IPO11: variants seen among roughly 807,000 people sequenced by gnomAD.
IPO11 encodes importin-11.
A neutral mutation model predicts 143.2 loss-of-function variants in IPO11; 66 were observed. The observed-to-expected ratio is 0.46, with a 90% CI of 0.38 to 0.57. The LOEUF (loss-of-function observed/expected upper bound fraction) is 0.57. Ranked by LOEUF, IPO11 falls within the 20% of genes least tolerant of loss-of-function variation. IPO11 has a pLI of 0.00. For synonymous variants in IPO11, 385 were observed against 377.8 expected (o/e 1.02, Z -0.22); for missense variants, 1,026 against 1,141.0 (o/e 0.90, Z 1.45).
At chr5:62,452,723 G>GTGT (rs1744982194) in intron 5 of IPO11, among the ~76,000 whole-genome samples, 3 of 135,334 alleles carry the variant, frequency 2.2e-5, no homozygotes, top group Non-Finnish European at 4.6e-5. Context: ...TTTTTGGTGG[G>GTGT]GTGTGTGTGT....
Position 62,598,383 on chromosome 5 carries a change from GCTTGCTTGCTTT to G in IPO11, c.2679-3377_2679-3366del, listed in dbSNP as rs1344212872. ...GAAACGACCCATAAATTGTTTGCTTGCTTGCTTGCTTTCTTTCTTTCTTTCTTTCTTTCTTTC... is the reference window on the plus strand; with the variant it reads ...GAAACGACCCATAAATTGTTTGCTTGCTTTCTTTCTTTCTTTCTTTCTTTC... On this transcript the variant is annotated intron_variant, in intron 28 of 29. Coordinates refer to ENST00000325324, the MANE Select transcript of IPO11 (RefSeq NM_016338.5). Among the ~76,000 whole-genome samples the G allele has an allele frequency of 3.9e-3, 108 of 27,346 alleles. 10 individuals carry two copies. Among genetic ancestry groups the G allele is most frequent in the South Asian group, 0.026 (22 of 836 alleles). The allele number at this position is 27,346 out of a possible 152,430, so 17.9% of individuals were successfully genotyped here.
intron 19 of IPO11, among the ~76,000 whole-genome samples, chr5:62,514,207 TG>T (rs1351601449): frequency 2.0e-5 from 3 of 152,168 alleles, no homozygotes; most frequent in Admixed American, 6.5e-5. Flanking sequence ...GGGCAGGGGC[TG>T]CAATCTCTGC....
At position 62,526,203 on chromosome 5, in the gene IPO11, C is replaced by T. The variant is rs748889077; in HGVS notation, c.1958C>T (p.Thr653Ile). 3.7e-6 allele frequency: 6 copies of T among 1,613,698 alleles called. No individual in the cohort carries two copies. The highest frequency in any genetic ancestry group is 4.2e-6 in the Non-Finnish European group (5 of 1,179,762). The change falls in exon 21 of 30, where the codon ACA becomes ATA. Residue 653 changes from threonine to isoleucine, a missense_variant. Thr to Ile is a moderately conservative substitution (Grantham distance 89). This residue lies in a region of IPO11 where 237 missense variants were observed against 288.0 expected (regional missense o/e 0.82). Coordinates refer to ENST00000325324, the MANE Select transcript of IPO11 (RefSeq NM_016338.5). The stretch of plus-strand genomic sequence containing the variant: ...CTGCTCCCAGTTATTCAACTGAGTA[C>T]AGATGTTTCACAGCCTCCACATGTT... The part of the protein sequence containing the change: ...PFLLPVIQLS[T>I]DVSQPPHVYL...
At chr5:62,624,651 C>A (rs1746495744) in intron 29 of IPO11, among the ~76,000 whole-genome samples, 1 of 151,972 alleles carries the variant, frequency 6.6e-6, no homozygotes, top group Non-Finnish European at 1.5e-5. Flanking sequence ...GGAATGCAGC[C>A]CAGTAGGTCT....
chr5:62,515,896 G>A (rs891208335), intron 20 of IPO11, among the ~76,000 whole-genome samples: 19 of 152,190 alleles, frequency 1.2e-4, no homozygotes, highest in Non-Finnish European at 8.8e-5. Flanking sequence ...AGGAAACCAG[G>A]TGAGTTGCTT....
chr5:62,542,976 T>C (rs1034712809), intron 24 of IPO11, among the ~76,000 whole-genome samples: 34 of 152,338 alleles, frequency 2.2e-4, no homozygotes, highest in African/African-American at 8.2e-4. Context: ...ATGCTACATA[T>C]TCTAAGCATG....
At chr5:62,591,767 T>C in intron 28 of IPO11, 95 bp downstream of exon 28, 1 of 698,852 alleles carries the variant, frequency 1.4e-6, no homozygotes, top group Non-Finnish European at 2.3e-6. Flanking sequence ...AAGCACAGTA[T>C]GAAAGTTTTA....
intron 1 of IPO11, among the ~76,000 whole-genome samples, chr5:62,418,692 T>TAA (rs1275239061): frequency 2.7e-4 from 41 of 152,226 alleles, no homozygotes; most frequent in African/African-American, 7.7e-4. Context: ...GACATGCTTT[T>TAA]ATCTAGAGAC....
rs1745609071 is a variant in IPO11 at position 62,467,396 on chromosome 5, A to C, written c.649+133A>C. 6.5e-6 allele frequency: 6 copies of C among 922,186 alleles called. No individual in the cohort carries two copies. In the South Asian group the frequency reaches 9.3e-5, roughly 14 times the overall value. 57.1% of individuals were successfully genotyped at this position (922,186 alleles called of 1,614,324 possible). Reference sequence around the variant, plus strand: ...GAGGTTTATTTCTCCCTGAAAGATAAGGGCTTATTTATAGTTTTGTGGCAG... The same window carrying C: ...GAGGTTTATTTCTCCCTGAAAGATACGGGCTTATTTATAGTTTTGTGGCAG... On this transcript the variant is annotated intron_variant, in intron 6 of 29. Transcript: ENST00000325324.
At chr5:62,585,243 A>G (rs1446691738) in intron 27 of IPO11, among the ~76,000 whole-genome samples, 1 of 152,190 alleles carries the variant, frequency 6.6e-6, no homozygotes, top group Non-Finnish European at 1.5e-5. Context: ...TTTATGTTGT[A>G]GTGCAGTTTC....
chr5:62,538,852 T>C (rs73108032), intron 24 of IPO11, among the ~76,000 whole-genome samples: 2 of 152,328 alleles, frequency 1.3e-5, no homozygotes, highest in African/African-American at 4.8e-5. Context: ...TTATTCACTG[T>C]CGTAACTCTG....
rs114479610 is a variant in IPO11 at position 62,418,914 on chromosome 5, A to G, written c.-7+5985A>G. 1,969 of 1,394,606 alleles carry G rather than the reference A, an allele frequency of 1.4e-3. 27 individuals carry two copies. In the African/African-American group the frequency reaches 0.025, roughly 18 times the overall value. 86.4% of individuals were successfully genotyped at this position (1,394,606 alleles called of 1,614,324 possible). On this transcript the variant is annotated intron_variant, in intron 1 of 29. Transcript: ENST00000325324. ...ACCAGGTGTGAAACTGCTGGGTCAT[A>G]GAAGATACAGTCACGAGTTGCTTAA...
intron 26 of IPO11, among the ~76,000 whole-genome samples, chr5:62,555,476 C>CTAAT (rs1236574523): frequency 2.5e-5 from 3 of 121,260 alleles, no homozygotes; most frequent in South Asian, 2.8e-4. Context: ...CCACACCTGG[C>CTAAT]TAATTATTTA....
At chr5:62,558,824 C>T (rs923769657) in intron 26 of IPO11, among the ~76,000 whole-genome samples, 4 of 151,870 alleles carry the variant, frequency 2.6e-5, no homozygotes, top group African/African-American at 9.7e-5. Context: ...GATTTGTTTC[C>T]GACCTCTTAG....
At chr5:62,481,516 A>G (rs1022552055) in intron 9 of IPO11, among the ~76,000 whole-genome samples, 5 of 151,868 alleles carry the variant, frequency 3.3e-5, no homozygotes, top group Non-Finnish European at 5.9e-5. Flanking sequence ...TATTGAGATA[A>G]TCATGTGGTT....
rs1421619638 is a variant in IPO11 at position 62,470,254 on chromosome 5, G to T, written c.654G>T (p.Leu218=). Residue 218 remains leucine (L), a synonymous_variant, in exon 7 of 30, where the codon CTG becomes CTT. Transcript: ENST00000325324. ...LERTLLSLKV[L]RKLTVNGFVE... is the part of the protein sequence containing the mutation. ...AAGCTTGCTTTTGCTTTTCAGTGCT[G>T]CGTAAGTTAACTGTTAATGGATTTG... 4 of 1,613,588 alleles carry T rather than the reference G, an allele frequency of 2.5e-6. No homozygotes were observed. The South Asian group carries it at 4.4e-5, about 18-fold the overall frequency.
At chr5:62,520,815 C>T (rs1742178782) in intron 20 of IPO11, among the ~76,000 whole-genome samples, 1 of 152,240 alleles carries the variant, frequency 6.6e-6, no homozygotes, top group African/African-American at 2.4e-5. Context: ...AATAAACATA[C>T]ATGTGCATGT....
intron 5 of IPO11, among the ~76,000 whole-genome samples, chr5:62,464,857 T>TA (rs1472425264): frequency 6.6e-6 from 1 of 152,234 alleles, no homozygotes; most frequent in Non-Finnish European, 1.5e-5. Context: ...TAAACAATTT[T>TA]AATCTATACA....
chr5:62,443,813 T>C (rs906475720), intron 3 of IPO11, among the ~76,000 whole-genome samples: 50 of 152,226 alleles, frequency 3.3e-4, no homozygotes, highest in African/African-American at 1.2e-3. Flanking sequence ...TAGTTAATTT[T>C]ACATGTTATA....
Sources: allele counts gnomAD v4.1 joint callset (sites outside exome capture counted in the v4.1 genomes callset), GRCh38; gene constraint gnomAD v4.1.1; regional missense constraint gnomAD v4.1.1; transcripts MANE v1.5; gene names NCBI Gene and HGNC (gene_info 2026-07-23, HGNC 2026-07-21).